The following TTLL11 variants were observed in gnomAD, a reference collection of about 807,000 sequenced individuals.
The protein encoded by TTLL11 is tubulin tyrosine ligase like 11, also known as tubulin polyglutamylase TTLL11.
TTLL11 carries 42 observed loss-of-function variants against 51.7 expected under a neutral mutation model. That is an observed-to-expected ratio of 0.81 (90% CI 0.64 to 1.05). TTLL11 has a LOEUF of 1.05. Ranked by LOEUF, TTLL11 falls within the 50% of genes least tolerant of loss-of-function variation. TTLL11 has a pLI of 0.00. For missense variants in TTLL11, 799 were observed against 940.4 expected, an observed-to-expected ratio of 0.85 and a Z score of 1.97; for synonymous variants, 381 against 383.5, an observed-to-expected ratio of 0.99 and a Z score of 0.08.
intron 8 of TTLL11, among the ~76,000 whole-genome samples, chr9:121,839,796 C>T (rs1055864389): frequency 6.6e-6 from 1 of 152,176 alleles, no homozygotes; most frequent in Non-Finnish European, 1.5e-5. Flanking sequence ...TCAGCCTCAG[C>T]CTTCTCAGCC....
chr9:122,008,922 G>A (rs752338811), intron 3 of TTLL11, among the ~76,000 whole-genome samples: 5 of 152,186 alleles, frequency 3.3e-5, no homozygotes, highest in African/African-American at 9.7e-5. Flanking sequence ...GACGTTAAGC[G>A]AAATAAGCCA....
At chr9:122,037,608 T>C (rs767686680) in intron 2 of TTLL11, among the ~76,000 whole-genome samples, 1 of 152,198 alleles carries the variant, frequency 6.6e-6, no homozygotes, top group Non-Finnish European at 1.5e-5. Context: ...TTAGAAGGCA[T>C]ACTATGGAGC....
At chr9:122,080,094 G>T (rs1447160571) in intron 1 of TTLL11, among the ~76,000 whole-genome samples, 1 of 152,106 alleles carries the variant, frequency 6.6e-6, no homozygotes, top group East Asian at 1.9e-4. Flanking sequence ...AGGCATAATG[G>T]CCACACCAAA....
chr9:121,958,161 T>C (rs1842080657), intron 6 of TTLL11, among the ~76,000 whole-genome samples: 1 of 152,212 alleles, frequency 6.6e-6, no homozygotes, highest in Non-Finnish European at 1.5e-5. Flanking sequence ...AGAGGTTAAG[T>C]GACTTGCCCA....
At chr9:121,873,502 G>C (rs1397021923) in intron 6 of TTLL11, among the ~76,000 whole-genome samples, 5 of 151,176 alleles carry the variant, frequency 3.3e-5, no homozygotes, top group Non-Finnish European at 5.9e-5. Context: ...AGTAGAGACA[G>C]GGTTTCACCA....
chr9:121,852,376 C>T (rs893249257), intron 8 of TTLL11, among the ~76,000 whole-genome samples: 5 of 152,098 alleles, frequency 3.3e-5, no homozygotes, highest in East Asian at 3.9e-4. Flanking sequence ...CAGGGCTTCC[C>T]GAGGGAAGGT....
At chr9:121,970,645 T>C (rs1194616888) in intron 6 of TTLL11, among the ~76,000 whole-genome samples, 1 of 152,158 alleles carries the variant, frequency 6.6e-6, no homozygotes, top group Non-Finnish European at 1.5e-5. Context: ...AAAACCCCAA[T>C]GAGATACCAT....
At chr9:122,062,751 G>A (rs932987819) in intron 1 of TTLL11, among the ~76,000 whole-genome samples, 1 of 151,760 alleles carries the variant, frequency 6.6e-6, no homozygotes, top group Non-Finnish European at 1.5e-5. Flanking sequence ...TTACAGGCAT[G>A]ATATATTATG....
chr9:121,909,730 G>T lies in TTLL11; in HGVS notation c.1482-38982C>A, dbSNP rs79330916. On this transcript the variant is annotated intron_variant, in intron 6 of 8. Transcript: ENST00000321582. Reference sequence around the variant, plus strand: ...CATGCACACAGACAGCTCACTCAGTGCAAGGCAAGCTTAAAGTGAGGGCCG... The same window carrying T: ...CATGCACACAGACAGCTCACTCAGTTCAAGGCAAGCTTAAAGTGAGGGCCG... Among the ~76,000 whole-genome samples the T allele has an allele frequency of 1.9e-3, 283 of 152,320 alleles. 7 individuals are homozygous for T. The East Asian group carries it at 0.048, about 26-fold the overall frequency.
intron 6 of TTLL11, among the ~76,000 whole-genome samples, chr9:121,972,658 G>A (rs1842607339): frequency 6.6e-6 from 1 of 152,242 alleles, no homozygotes; most frequent in African/African-American, 2.4e-5. Context: ...AATATTTCCT[G>A]CAGGGCAGTG....
chr9:121,849,551 C>G (rs189044468), intron 8 of TTLL11, among the ~76,000 whole-genome samples: 12 of 152,092 alleles, frequency 7.9e-5, no homozygotes, highest in Non-Finnish European at 1.2e-4. Flanking sequence ...TCTTAAAACT[C>G]AACAATTAAA....
intron 3 of TTLL11, among the ~76,000 whole-genome samples, chr9:121,991,284 G>A: frequency 6.6e-6 from 1 of 152,202 alleles, no homozygotes; most frequent in East Asian, 1.9e-4. Flanking sequence ...TTCTGGGCTT[G>A]TAAAAGATCT....
At chr9:121,864,755 A>G (rs1451426870) in intron 7 of TTLL11, among the ~76,000 whole-genome samples, 1 of 152,224 alleles carries the variant, frequency 6.6e-6, no homozygotes, top group Non-Finnish European at 1.5e-5. Flanking sequence ...ATTTGGGCAC[A>G]TAGGATGGGA....
chr9:121,868,581 A>G (rs1221873004), intron 7 of TTLL11, among the ~76,000 whole-genome samples: 1 of 152,100 alleles, frequency 6.6e-6, no homozygotes, highest in Non-Finnish European at 1.5e-5. Flanking sequence ...CCATAAGACA[A>G]CCCTGAAGTG....
At chr9:122,030,021 C>CATA (rs559219312) in intron 3 of TTLL11, among the ~76,000 whole-genome samples, 361 of 152,194 alleles carry the variant, frequency 2.4e-3, no homozygotes, top group African/African-American at 8.5e-3. Flanking sequence ...GGAGCCTATA[C>CATA]CATCTAGGCT....
chr9:121,914,614 G>A (rs761578499), intron 6 of TTLL11, among the ~76,000 whole-genome samples: 4 of 152,104 alleles, frequency 2.6e-5, no homozygotes, highest in Admixed American at 6.5e-5. Flanking sequence ...CTTCCTGGGC[G>A]TCTCCATGAA....
intron 6 of TTLL11, among the ~76,000 whole-genome samples, chr9:121,898,813 G>C (rs1479236037): frequency 2.0e-5 from 3 of 152,196 alleles, no homozygotes; most frequent in Non-Finnish European, 4.4e-5. Context: ...ACATGGTTTA[G>C]ACTTCACGCA....
At chr9:121,971,243 C>T (rs1842554173) in intron 6 of TTLL11, among the ~76,000 whole-genome samples, 1 of 96,366 alleles carries the variant, frequency 1.0e-5, no homozygotes, top group African/African-American at 3.4e-5. Context: ...CCCGGCCAGC[C>T]GCCCCGTCCG....
chr9:121,822,259 T>G lies in TTLL11; in HGVS notation c.*328A>C, dbSNP rs988819504. 1 of 180,070 alleles carries G rather than the reference T, an allele frequency of 5.6e-6. No individual in the cohort carries two copies. Among genetic ancestry groups the G allele is most frequent in the African/African-American group, 2.3e-5 (1 of 42,580 alleles). The allele number at this position is 180,070 out of a possible 1,614,324, so 11.2% of individuals were successfully genotyped here. A position where few individuals can be genotyped will look rare whatever the true frequency, so the allele number is the denominator to read the frequency against. ...CCGGGCCTTGGGATCGATTGTGTCC[T>G]GTGCCCCAAATACAACAGATTTGCC... is the stretch of plus-strand genomic sequence containing the variant. On this transcript the variant is annotated 3_prime_UTR_variant, in exon 9 of 9. Coordinates refer to ENST00000321582, the MANE Select transcript of TTLL11 (RefSeq NM_001139442.2). The surrounding 1 kb of genome is among the most constrained non-coding windows in gnomAD (Gnocchi z 5.8).
Sources: allele counts gnomAD v4.1 joint callset (sites outside exome capture counted in the v4.1 genomes callset), GRCh38; gene constraint gnomAD v4.1.1; non-coding constraint Gnocchi (gnomAD v3.1); transcripts MANE v1.5; gene names NCBI Gene and HGNC (gene_info 2026-07-23, HGNC 2026-07-21).